CHL1: variants seen among roughly 807,000 people sequenced by gnomAD.
The protein encoded by CHL1 is neural cell adhesion molecule L1-like protein.
CHL1 carries 96 observed loss-of-function variants against 141.9 expected under a neutral mutation model. The ratio of observed to expected loss-of-function variants is 0.68; its 90% CI spans 0.57 to 0.80. CHL1 has a LOEUF of 0.80. Among genes scored for constraint, CHL1 ranks in the 30% least tolerant of loss-of-function variants. The probability of loss-of-function intolerance (pLI) is 0.00; values close to 1 mark genes in which losing one functional copy is unlikely to be tolerated. For synonymous variants in CHL1, 613 were observed against 502.2 expected, an observed-to-expected ratio of 1.22 and a Z score of -2.95; for missense variants, 1,820 against 1,457.2, an observed-to-expected ratio of 1.25 and a Z score of -4.05.
chr3:296,129 G>T (rs1221793441), intron 2 of CHL1, among the ~76,000 whole-genome samples: 2 of 152,246 alleles, frequency 1.3e-5, no homozygotes, highest in East Asian at 3.9e-4. Flanking sequence ...TACTGCTTGA[G>T]TCTCTTGGTG....
At chr3:201,035 T>A (rs1698881607) in intron 1 of CHL1, among the ~76,000 whole-genome samples, 1 of 152,196 alleles carries the variant, frequency 6.6e-6, no homozygotes, top group South Asian at 2.1e-4. Context: ...AGGATTTAAG[T>A]TTATCTTCTG....
At chr3:325,573 G>A (rs532027801) in intron 3 of CHL1, among the ~76,000 whole-genome samples, 2 of 151,998 alleles carry the variant, frequency 1.3e-5, no homozygotes, top group East Asian at 1.9e-4. Flanking sequence ...ATAGAAACAC[G>A]GAAGATTACA....
chr3:348,033 T>C (rs1702913334), intron 9 of CHL1, among the ~76,000 whole-genome samples: 1 of 152,194 alleles, frequency 6.6e-6, no homozygotes, highest in South Asian at 2.1e-4. Context: ...TTTGAGAATA[T>C]TGACACACAC....
At chr3:257,020 G>A (rs951005342) in intron 2 of CHL1, among the ~76,000 whole-genome samples, 2 of 152,104 alleles carry the variant, frequency 1.3e-5, no homozygotes, top group Admixed American at 6.6e-5. Flanking sequence ...TTTCCATGGT[G>A]TCTCACATTC....
At chr3:314,335 A>ATATG (rs1297409364) in intron 2 of CHL1, among the ~76,000 whole-genome samples, 1 of 42,296 alleles carries the variant, frequency 2.4e-5, no homozygotes, top group Non-Finnish European at 4.8e-5. Context: ...ATGTGTATAT[A>ATATG]TATATATATA....
At chr3:336,784 G>C (rs1202027344) in intron 5 of CHL1, among the ~76,000 whole-genome samples, 1 of 152,168 alleles carries the variant, frequency 6.6e-6, no homozygotes, top group African/African-American at 2.4e-5. Context: ...TAATTGGGAT[G>C]ATGAGTTTTC....
At chr3:403,514 T>A (rs1027697729) in intron 27 of CHL1, among the ~76,000 whole-genome samples, 5 of 152,012 alleles carry the variant, frequency 3.3e-5, no homozygotes, top group African/African-American at 1.2e-4. Flanking sequence ...GCCACTGCAC[T>A]CCAGCCTGGG....
At chr3:281,171 G>T (rs945357779) in intron 2 of CHL1, among the ~76,000 whole-genome samples, 1 of 152,134 alleles carries the variant, frequency 6.6e-6, no homozygotes, top group Non-Finnish European at 1.5e-5. Context: ...TATTCAGTTG[G>T]AAATTTCAAG....
At chr3:314,912 GAGA>G (rs1443489497) in intron 2 of CHL1, among the ~76,000 whole-genome samples, 1 of 152,134 alleles carries the variant, frequency 6.6e-6, no homozygotes, top group East Asian at 1.9e-4. Flanking sequence ...AAGAGAATCA[GAGA>G]AGATTTTGCA....
At chr3:365,320 T>C (rs1704741433) in intron 14 of CHL1, among the ~76,000 whole-genome samples, 1 of 152,218 alleles carries the variant, frequency 6.6e-6, no homozygotes, top group Admixed American at 6.5e-5. Flanking sequence ...TGTTGATAAC[T>C]ACAAATTTAT....
chr3:217,713 C>G (rs1477844345), intron 1 of CHL1: 2 of 152,236 alleles, frequency 1.3e-5, no homozygotes, highest in Non-Finnish European at 2.9e-5. Context: ...GAGCTTAGGG[C>G]AGATCACATA....
At chr3:324,468 C>T (rs1371132643) in intron 3 of CHL1, among the ~76,000 whole-genome samples, 1 of 152,062 alleles carries the variant, frequency 6.6e-6, no homozygotes, top group Non-Finnish European at 1.5e-5. Context: ...TAGATCTTTA[C>T]ACACTTCATG....
At chr3:341,401 T>C (rs1458466048) in intron 6 of CHL1, among the ~76,000 whole-genome samples, 1 of 152,188 alleles carries the variant, frequency 6.6e-6, no homozygotes, top group Non-Finnish European at 1.5e-5. Context: ...CAAATGAAGC[T>C]ACTCTTAGGT....
chr3:299,140 T>TTA (rs2124884432), intron 2 of CHL1, among the ~76,000 whole-genome samples: 1 of 152,290 alleles, frequency 6.6e-6, no homozygotes, highest in East Asian at 1.9e-4. Flanking sequence ...TTCCGTGAGT[T>TTA]TTTAGTCTTA....
chr3:319,752 CGGGTTGTCTTCTTCCT>C lies in CHL1; in HGVS notation c.-23_-8del. On this transcript the variant is annotated 5_prime_UTR_variant, in exon 3 of 28. Coordinates refer to ENST00000256509, the MANE Select transcript of CHL1 (RefSeq NM_006614.4). ...GAGACATTAAGATTTTCATTCTTAC[CGGGTTGTCTTCTTCCT>C]GAAGAGCAATGGAGCCGCTTTTACT... is the stretch of plus-strand genomic sequence containing the variant. 1 of 1,476,986 alleles carries C rather than the reference CGGGTTGTCTTCTTCCT, an allele frequency of 6.8e-7. No individual in the cohort carries two copies. The allele number at this position is 1,476,986 out of a possible 1,614,324, so 91.5% of individuals were successfully genotyped here. A position where few individuals can be genotyped will look rare whatever the true frequency, so the allele number is the denominator to read the frequency against.
At chr3:401,576 C>A (rs1559364067) in intron 26 of CHL1, 50 bp from the exon 27 acceptor site, 3 of 1,082,878 alleles carry the variant, frequency 2.8e-6, no homozygotes, top group Middle Eastern at 2.0e-4. Flanking sequence ...GGTAAAATGT[C>A]TTTTAAATGG....
chr3:332,249 T>C (rs568884090), intron 5 of CHL1, among the ~76,000 whole-genome samples: 5 of 152,302 alleles, frequency 3.3e-5, no homozygotes, highest in Non-Finnish European at 5.9e-5. Context: ...ACGTCAAGAA[T>C]ATGTTGAGCA....
intron 2 of CHL1, among the ~76,000 whole-genome samples, chr3:287,469 T>C (rs993639125): frequency 1.4e-4 from 22 of 152,194 alleles, no homozygotes; most frequent in Non-Finnish European, 4.4e-5. Flanking sequence ...CCATTTGATG[T>C]TGTAGTTATT....
At chr3:369,430 G>T (rs1052066401) in intron 15 of CHL1, among the ~76,000 whole-genome samples, 18 of 152,154 alleles carry the variant, frequency 1.2e-4, no homozygotes, top group Non-Finnish European at 2.5e-4. Flanking sequence ...GAATGCTTGT[G>T]ATTTTTGCAC....
Sources: gnomAD v4.1 joint callset for allele counts (sites outside exome capture counted in the v4.1 genomes callset) on GRCh38, gnomAD v4.1.1 for gene constraint, MANE v1.5 for transcripts, NCBI Gene and HGNC (gene_info 2026-07-23, HGNC 2026-07-21) for gene names.